Variants in NAA11 observed in about 807,000 individuals in gnomAD.
The protein encoded by NAA11 is N-alpha-acetyltransferase 11.
A neutral mutation model predicts 16.1 loss-of-function variants in NAA11; 15 were observed. The ratio of observed to expected loss-of-function variants is 0.93; its 90% CI spans 0.62 to 1.44. NAA11 has a LOEUF of 1.44. NAA11 is among the 40% of genes most tolerant of loss of function. The pLI is 0.00. For missense variants in NAA11, 298 were observed against 291.3 expected, an observed-to-expected ratio of 1.02 and a Z score of -0.17; for synonymous variants, 122 against 112.4, an observed-to-expected ratio of 1.09 and a Z score of -0.54.
At chr4:79,226,249 C>T (rs1721309286) in exon 3 of NAA11, 1 of 151,954 alleles carries the variant, frequency 6.6e-6, no homozygotes, top group Admixed American at 6.6e-5. Context: ...TGTGCTGTCT[C>T]AGATCTTCAT....
the NAA11 span, among the ~76,000 whole-genome samples, chr4:79,218,764 A>C: frequency 3.3e-5 from 5 of 152,096 alleles, no homozygotes; most frequent in African/African-American, 1.2e-4. Context: ...ACCTGATTTC[A>C]AATTACTTTG....
the NAA11 span, among the ~76,000 whole-genome samples, chr4:79,214,179 A>G: frequency 6.6e-6 from 1 of 152,176 alleles, no homozygotes; most frequent in Non-Finnish European, 1.5e-5. Context: ...TCCAATACAC[A>G]TTGTGGTACA....
the NAA11 span, among the ~76,000 whole-genome samples, chr4:79,159,424 A>T: frequency 6.6e-6 from 1 of 152,336 alleles, no homozygotes; most frequent in African/African-American, 2.4e-5. Context: ...TTAATAAAAA[A>T]TAAAAAATAA....
the NAA11 span, among the ~76,000 whole-genome samples, chr4:79,173,616 C>G: frequency 6.6e-6 from 1 of 151,938 alleles, no homozygotes; most frequent in East Asian, 1.9e-4. Context: ...GGGAAAACTT[C>G]ACAGAAAATG....
chr4:79,173,744 A>C, the NAA11 span, among the ~76,000 whole-genome samples: 1 of 152,086 alleles, frequency 6.6e-6, no homozygotes, highest in African/African-American at 2.4e-5. Context: ...GGTGGGCATT[A>C]ATAAGGTATG....
intron 2 of NAA11, among the ~76,000 whole-genome samples, chr4:79,292,579 C>G (rs1723112969): frequency 6.6e-6 from 1 of 152,144 alleles, no homozygotes; most frequent in African/African-American, 2.4e-5. Flanking sequence ...AGGGATTAAG[C>G]CCATTCCAAT....
At chr4:79,273,605 G>C (rs1449432507) in intron 2 of NAA11, among the ~76,000 whole-genome samples, 1 of 151,846 alleles carries the variant, frequency 6.6e-6, no homozygotes, top group Non-Finnish European at 1.5e-5. Context: ...CTTCTTTTGT[G>C]GTCAATAAAA....
chr4:79,188,381 C>A, the NAA11 span, among the ~76,000 whole-genome samples: 1 of 152,006 alleles, frequency 6.6e-6, no homozygotes, highest in South Asian at 2.1e-4. Flanking sequence ...GTCGGGAGAT[C>A]GAGACCATCC....
At chr4:79,196,955 C>CAAAAAAAAAAGAAAAAAAAAAA in the NAA11 span, among the ~76,000 whole-genome samples, 1 of 86,168 alleles carries the variant, frequency 1.2e-5, no homozygotes, top group Non-Finnish European at 2.1e-5. Flanking sequence ...ATGAAAAAGA[C>CAAAAAAAAAAGAAAAAAAAAAA]AAAAAAAAAA....
intron 2 of NAA11, among the ~76,000 whole-genome samples, chr4:79,268,189 C>A (rs1485982361): frequency 6.6e-6 from 1 of 151,956 alleles, no homozygotes; most frequent in East Asian, 1.9e-4. Flanking sequence ...GTAATTATTT[C>A]AAAATAAAAT....
chr4:79,220,451 G>C, the NAA11 span, among the ~76,000 whole-genome samples: 1 of 151,644 alleles, frequency 6.6e-6, no homozygotes, highest in African/African-American at 2.4e-5. Context: ...GTGTGTGTGT[G>C]TGTGTGTGTG....
chr4:79,182,676 C>T, the NAA11 span, among the ~76,000 whole-genome samples: 9 of 152,224 alleles, frequency 5.9e-5, no homozygotes, highest in Middle Eastern at 3.4e-3. Context: ...GCGCTTCACT[C>T]ATCATTCTAA....
At chr4:79,161,057 T>TA in the NAA11 span, among the ~76,000 whole-genome samples, 4 of 152,260 alleles carry the variant, frequency 2.6e-5, no homozygotes, top group African/African-American at 9.6e-5. Flanking sequence ...AAGAGCTTTA[T>TA]ACTTTTAGCT....
intron 1 of NAA11, among the ~76,000 whole-genome samples, chr4:79,294,505 T>C (rs902254872): frequency 2.0e-5 from 3 of 152,198 alleles, no homozygotes; most frequent in African/African-American, 7.2e-5. Flanking sequence ...TAAAAGGCAA[T>C]GTTTATGAAC....
At chr4:79,242,435 T>G (rs1184258267) in intron 2 of NAA11, among the ~76,000 whole-genome samples, 1 of 152,248 alleles carries the variant, frequency 6.6e-6, no homozygotes, top group Non-Finnish European at 1.5e-5. Flanking sequence ...TGAATTAGTC[T>G]GGCCTGGGGA....
the NAA11 span, among the ~76,000 whole-genome samples, chr4:79,179,455 G>T: frequency 2.6e-5 from 4 of 152,068 alleles, no homozygotes; most frequent in African/African-American, 9.7e-5. Flanking sequence ...TTTTCTAAAG[G>T]CCTATTAAAA....
intron 2 of NAA11, among the ~76,000 whole-genome samples, chr4:79,249,025 G>A (rs1361285969): frequency 3.3e-5 from 5 of 152,204 alleles, no homozygotes. Context: ...CTAACTGTGA[G>A]GGGCCAGAGA....
At chr4:79,280,041 A>G (rs1186073174) in intron 2 of NAA11, among the ~76,000 whole-genome samples, 4 of 152,130 alleles carry the variant, frequency 2.6e-5, no homozygotes, top group Admixed American at 6.6e-5. Context: ...CTGAAGATAT[A>G]ATAATGCTGC....
At chr4:79,292,520 G>C (rs1380734386) in intron 2 of NAA11, among the ~76,000 whole-genome samples, 1 of 152,182 alleles carries the variant, frequency 6.6e-6, no homozygotes, top group Non-Finnish European at 1.5e-5. Flanking sequence ...ATCTGTGCCT[G>C]ACTTTCATCA....
Sources: allele counts gnomAD v4.1 joint callset (sites outside exome capture counted in the v4.1 genomes callset), GRCh38; gene constraint gnomAD v4.1.1; transcripts MANE v1.5; gene names NCBI Gene and HGNC (gene_info 2026-07-23, HGNC 2026-07-21).